The following PLEKHA7 variants were observed in gnomAD, a reference collection of about 807,000 sequenced individuals.
The protein encoded by PLEKHA7 is pleckstrin homology domain-containing family A member 7.
Under a neutral mutation model 170.0 loss-of-function variants are expected in PLEKHA7, and 104 were observed. The observed-to-expected ratio is 0.61, with a 90% CI of 0.52 to 0.72. The LOEUF (loss-of-function observed/expected upper bound fraction) is 0.72. Among genes scored for constraint, PLEKHA7 ranks in the 30% least tolerant of loss-of-function variants. PLEKHA7 has a pLI of 0.00. For missense variants in PLEKHA7, 1,615 were observed against 1,671.7 expected (o/e 0.97, Z 0.59); for synonymous variants, 648 against 660.8 (o/e 0.98, Z 0.30).
chr11:16,910,972 G>T (rs1015212594), intron 3 of PLEKHA7, among the ~76,000 whole-genome samples: 1 of 152,214 alleles, frequency 6.6e-6, no homozygotes, highest in Admixed American at 6.5e-5. Flanking sequence ...CGACTGTAAA[G>T]CAAGAGTGAT....
At chr11:16,994,701 T>C (rs987680345) in intron 3 of PLEKHA7, among the ~76,000 whole-genome samples, 40 of 151,982 alleles carry the variant, frequency 2.6e-4, no homozygotes, top group Non-Finnish European at 4.7e-4. Flanking sequence ...GTGCTATCCC[T>C]CTCCCAAAAA....
rs752895393 is a variant in PLEKHA7 at position 16,801,752 on chromosome 11, C to T, written c.2223G>A (p.Gln741=). 6.2e-6 allele frequency: 10 copies of T among 1,614,092 alleles called. No individual in the cohort carries two copies. The African/African-American group carries it at 1.3e-4, about 22-fold the overall frequency. Residue 741 remains glutamine (Q), a synonymous_variant, in exon 16 of 27, where the codon CAG becomes CAA. Transcript: ENST00000531066. ...RQMEQYRDQP[Q]HLEKIAYQQK... Reference sequence around the variant, plus strand: ...GCTGGTAGGCAATCTTCTCCAAGTGCTGGGGCTGGTCTCGGTACTGCTCCA... The same window carrying T: ...GCTGGTAGGCAATCTTCTCCAAGTGTTGGGGCTGGTCTCGGTACTGCTCCA...
At chr11:16,811,118 C>G (rs1849343076) in intron 13 of PLEKHA7, among the ~76,000 whole-genome samples, 1 of 152,158 alleles carries the variant, frequency 6.6e-6, no homozygotes, top group African/African-American at 2.4e-5. Flanking sequence ...TCCCGCATAG[C>G]TCAAATTCTA....
At chr11:16,917,648 A>C (rs1170750606) in intron 3 of PLEKHA7, among the ~76,000 whole-genome samples, 3 of 152,238 alleles carry the variant, frequency 2.0e-5, no homozygotes, top group Non-Finnish European at 4.4e-5. Context: ...GCCCACCCAG[A>C]TAATCCAGAA....
At chr11:16,947,909 C>T (rs1264770491) in intron 3 of PLEKHA7, among the ~76,000 whole-genome samples, 2 of 143,584 alleles carry the variant, frequency 1.4e-5, no homozygotes, top group Non-Finnish European at 3.0e-5. Context: ...GAGTAAGACT[C>T]CGTCTCAAAA....
At chr11:16,893,507 G>T (rs1856806540) in intron 3 of PLEKHA7, among the ~76,000 whole-genome samples, 1 of 152,174 alleles carries the variant, frequency 6.6e-6, no homozygotes, top group South Asian at 2.1e-4. Flanking sequence ...TTCTCTCAGT[G>T]TCACCTCCAC....
intron 3 of PLEKHA7, among the ~76,000 whole-genome samples, chr11:16,911,959 G>C (rs1858279219): frequency 6.6e-6 from 1 of 152,104 alleles, no homozygotes. Context: ...TAACAGAAAT[G>C]GGCACAAGAT....
At chr11:16,785,129 A>T (rs1849310242) in intron 24 of PLEKHA7, among the ~76,000 whole-genome samples, 1 of 152,216 alleles carries the variant, frequency 6.6e-6, no homozygotes. Flanking sequence ...CCCAAAGACC[A>T]GAGGAACCCC....
At chr11:16,903,738 A>C (rs1042776089) in intron 3 of PLEKHA7, among the ~76,000 whole-genome samples, 3 of 152,236 alleles carry the variant, frequency 2.0e-5, no homozygotes, top group Admixed American at 1.3e-4. Context: ...GCAGAAATAG[A>C]GACATCTTTC....
chr11:16,852,488 T>C (rs1853056701), intron 6 of PLEKHA7, 133 bp from the exon 7 acceptor site: 1 of 613,114 alleles, frequency 1.6e-6, no homozygotes, highest in South Asian at 3.0e-5. Flanking sequence ...ACCATTTTAC[T>C]GAACAGCCAT....
chr11:16,921,136 C>T (rs1298286785), intron 3 of PLEKHA7, among the ~76,000 whole-genome samples: 1 of 152,048 alleles, frequency 6.6e-6, no homozygotes, highest in Non-Finnish European at 1.5e-5. Flanking sequence ...TTTTCTAACA[C>T]ATTGAGAACT....
intron 3 of PLEKHA7, among the ~76,000 whole-genome samples, chr11:16,892,375 G>T (rs1210544705): frequency 6.7e-6 from 1 of 150,146 alleles, no homozygotes; most frequent in Non-Finnish European, 1.5e-5. Flanking sequence ...AGAGTAGGTG[G>T]TCACAGCCAT....
intron 3 of PLEKHA7, among the ~76,000 whole-genome samples, chr11:16,888,905 TA>T (rs58570999): frequency 0.25 from 32,637 of 130,026 alleles, 2,037 homozygotes; most frequent in East Asian, 0.48. Context: ...AGGGGGAAGA[TA>T]AAAAAAAAAA....
chr11:16,801,224 G>A, intron 16 of PLEKHA7, 149 bp from the exon 17 acceptor site: 1 of 701,812 alleles, frequency 1.4e-6, no homozygotes, highest in East Asian at 2.5e-5. Context: ...AGAGGAGCAG[G>A]AAAGAGCGTG....
chr11:16,801,124 T>A (rs1848569090), intron 16 of PLEKHA7, 49 bp from the exon 17 acceptor site: 1 of 1,533,928 alleles, frequency 6.5e-7, no homozygotes, highest in South Asian at 1.1e-5. Flanking sequence ...CCTGCCCCCT[T>A]GGAAGGCCTC....
intron 3 of PLEKHA7, among the ~76,000 whole-genome samples, chr11:16,949,079 C>T (rs1036901575): frequency 1.3e-5 from 2 of 152,218 alleles, no homozygotes; most frequent in African/African-American, 2.4e-5. Flanking sequence ...AAGCCTTGCT[C>T]ATGTTGACTC....
intron 3 of PLEKHA7, among the ~76,000 whole-genome samples, chr11:16,939,360 C>T (rs1860522426): frequency 6.6e-6 from 1 of 152,004 alleles, no homozygotes. Flanking sequence ...GTTGCAATGA[C>T]CCGAGATCGT....
At chr11:16,862,026 A>G (rs1288354735) in intron 4 of PLEKHA7, among the ~76,000 whole-genome samples, 1 of 152,188 alleles carries the variant, frequency 6.6e-6, no homozygotes, top group Non-Finnish European at 1.5e-5. Flanking sequence ...AGAAAGAGAC[A>G]CACACAGACA....
intron 13 of PLEKHA7, among the ~76,000 whole-genome samples, chr11:16,809,057 AAAT>A (rs1849181807): frequency 6.6e-6 from 1 of 152,208 alleles, no homozygotes; most frequent in Non-Finnish European, 1.5e-5. Flanking sequence ...TCAAGTGCCC[AAAT>A]ACTGCCAAGG....
Sources: gnomAD v4.1 joint callset for allele counts (sites outside exome capture counted in the v4.1 genomes callset) on GRCh38, gnomAD v4.1.1 for gene constraint, MANE v1.5 for transcripts, NCBI Gene and HGNC (gene_info 2026-07-23, HGNC 2026-07-21) for gene names.